IQCK: variants seen among roughly 807,000 people sequenced by gnomAD.
IQCK encodes IQ motif containing K.
Under a neutral mutation model 28.1 loss-of-function variants are expected in IQCK, and 29 were observed. That is an observed-to-expected ratio of 1.03 (90% CI 0.77 to 1.41). The LOEUF is 1.41. Ranked by LOEUF, IQCK falls within the 40% of genes most tolerant of loss-of-function variation. The pLI, the probability that IQCK is intolerant of heterozygous loss-of-function variation, is 0.00. For missense variants in IQCK, 359 were observed against 314.7 expected (o/e 1.14, Z -1.07); for synonymous variants, 113 against 115.1 (o/e 0.98, Z 0.12).
At chr16:19,826,532 C>G (rs2056150817) in intron 7 of IQCK, among the ~76,000 whole-genome samples, 1 of 152,094 alleles carries the variant, frequency 6.6e-6, no homozygotes, top group African/African-American at 2.4e-5. Context: ...CACCCGCCAC[C>G]GCACTCAGCT....
intron 6 of IQCK, among the ~76,000 whole-genome samples, chr16:19,772,211 G>A (rs1470621116): frequency 3.9e-5 from 6 of 152,060 alleles, no homozygotes; most frequent in Non-Finnish European, 2.9e-5. Flanking sequence ...TTATGTTAAC[G>A]CTTTAGCAAC....
At chr16:19,772,038 G>A (rs1396881026) in intron 6 of IQCK, among the ~76,000 whole-genome samples, 1 of 152,176 alleles carries the variant, frequency 6.6e-6, no homozygotes, top group Admixed American at 6.5e-5. Flanking sequence ...TGGAAAGGGG[G>A]TGGAGAACAG....
chr16:19,725,500 GC>G (rs1214709651), intron 1 of IQCK, among the ~76,000 whole-genome samples: 1 of 152,158 alleles, frequency 6.6e-6, no homozygotes, highest in African/African-American at 2.4e-5. Context: ...CCATGCCTGG[GC>G]CCCTGATTTT....
chr16:19,836,649 G>A (rs2056301656), intron 9 of IQCK, among the ~76,000 whole-genome samples: 1 of 152,166 alleles, frequency 6.6e-6, no homozygotes, highest in Non-Finnish European at 1.5e-5. Flanking sequence ...GAGTAGCTGG[G>A]ACTACAGGCG....
intron 6 of IQCK, among the ~76,000 whole-genome samples, chr16:19,769,214 C>T (rs957219049): frequency 2.6e-5 from 4 of 152,198 alleles, no homozygotes; most frequent in African/African-American, 9.7e-5. Context: ...ACCTCCATTT[C>T]CATCACATGC....
At chr16:19,718,887 G>A (rs2151667084) in intron 1 of IQCK, among the ~76,000 whole-genome samples, 1 of 152,302 alleles carries the variant, frequency 6.6e-6, no homozygotes, top group South Asian at 2.1e-4. Context: ...TGGGATGCAG[G>A]GAATCTGCAC....
At chr16:19,840,723 CA>C (rs1392245991) in intron 9 of IQCK, among the ~76,000 whole-genome samples, 1 of 152,138 alleles carries the variant, frequency 6.6e-6, no homozygotes, top group Non-Finnish European at 1.5e-5. Context: ...TATCTGGGGC[CA>C]CACAGCAAAA....
At chr16:19,789,453 C>A (rs1180427543) in intron 7 of IQCK, among the ~76,000 whole-genome samples, 1 of 73,520 alleles carries the variant, frequency 1.4e-5, no homozygotes, top group Non-Finnish European at 2.3e-5. Flanking sequence ...GACTTTTTAC[C>A]AAAACTTATT....
chr16:19,812,794 A>G (rs963424293), intron 7 of IQCK, among the ~76,000 whole-genome samples: 29 of 152,260 alleles, frequency 1.9e-4, no homozygotes, highest in Admixed American at 1.9e-3. Flanking sequence ...GCTAGAAAAA[A>G]TATATAAATC....
intron 7 of IQCK, among the ~76,000 whole-genome samples, chr16:19,803,379 G>GT (rs1325179310): frequency 6.6e-6 from 1 of 152,138 alleles, no homozygotes; most frequent in African/African-American, 2.4e-5. Context: ...CTGCCCTCAA[G>GT]TGATACGCCC....
intron 9 of IQCK, among the ~76,000 whole-genome samples, chr16:19,851,015 C>A (rs1237610136): frequency 6.6e-6 from 1 of 152,124 alleles, no homozygotes; most frequent in East Asian, 1.9e-4. Flanking sequence ...CAGAGCGAGA[C>A]CTGGTCTCAA....
downstream of IQCK, among the ~76,000 whole-genome samples, chr16:19,831,015 T>C (rs2056226067): frequency 6.6e-6 from 1 of 152,224 alleles, no homozygotes; most frequent in African/African-American, 2.4e-5. Flanking sequence ...ACAGAGCAGA[T>C]GGTCTGAACA....
chr16:19,816,946 A>G (rs1567568603), intron 7 of IQCK, among the ~76,000 whole-genome samples: 1 of 152,156 alleles, frequency 6.6e-6, no homozygotes, highest in African/African-American at 2.4e-5. Flanking sequence ...AGGCTCAGGG[A>G]GTTTAAGGAA....
chr16:19,755,577 A>G (rs1367883944), intron 4 of IQCK, among the ~76,000 whole-genome samples: 1 of 152,236 alleles, frequency 6.6e-6, no homozygotes, highest in African/African-American at 2.4e-5. Flanking sequence ...AGCCATGGCC[A>G]AGGAGCTGAG....
At chr16:19,762,841 C>T (rs2055168396) in intron 4 of IQCK, among the ~76,000 whole-genome samples, 2 of 152,060 alleles carry the variant, frequency 1.3e-5, no homozygotes, top group African/African-American at 4.8e-5. Context: ...CATGATGCAA[C>T]CCCATCTCTA....
At chr16:19,729,256 C>T (rs1378390209) in intron 1 of IQCK, among the ~76,000 whole-genome samples, 1 of 152,020 alleles carries the variant, frequency 6.6e-6, no homozygotes, top group Admixed American at 6.6e-5. Flanking sequence ...TACAGGTGCC[C>T]GGCGCCATGC....
intron 6 of IQCK, among the ~76,000 whole-genome samples, chr16:19,777,491 A>G (rs892712307): frequency 1.3e-5 from 2 of 152,222 alleles, no homozygotes; most frequent in South Asian, 2.1e-4. Flanking sequence ...TTTGTCTTAT[A>G]GAAGAGTAGA....
At chr16:19,730,657 CA>C (rs1307622591) in intron 2 of IQCK, among the ~76,000 whole-genome samples, 163 bp downstream of exon 2, 1 of 152,232 alleles carries the variant, frequency 6.6e-6, no homozygotes, top group Non-Finnish European at 1.5e-5. Flanking sequence ...CTAATACTAA[CA>C]GTTTGACTTA....
rs371276373 is a variant in IQCK, at chr16:19,772,699, A to G, written c.605+8587A>G. On this transcript the variant is annotated intron_variant, in intron 6 of 7. Coordinates refer to ENST00000564186, the Ensembl canonical transcript of IQCK. ...CTTTTGTATAGCTTTTAAAATTTCC[A>G]TAACAAAAATTTTTTTAAATGAGAT... Among the ~76,000 whole-genome samples the G allele has an allele frequency of 3.8e-4, 58 of 152,254 alleles. No homozygotes were observed. In the East Asian group the frequency reaches 9.7e-3, roughly 25 times the overall value.
Sources: allele counts gnomAD v4.1 joint callset (sites outside exome capture counted in the v4.1 genomes callset), GRCh38; gene constraint gnomAD v4.1.1; transcripts MANE v1.5; gene names NCBI Gene and HGNC (gene_info 2026-07-23, HGNC 2026-07-21).